Variants in LRP1B observed in about 807,000 individuals in gnomAD.
The protein encoded by LRP1B is LDL receptor related protein 1B, also known as low-density lipoprotein receptor-related protein 1B.
Under a neutral mutation model 556.6 loss-of-function variants are expected in LRP1B, and 217 were observed. The observed-to-expected ratio is 0.39, with a 90% CI of 0.35 to 0.44. The LOEUF (loss-of-function observed/expected upper bound fraction) is 0.44. LRP1B is among the 20% of genes least tolerant of loss of function. The pLI is 1.00. For synonymous variants in LRP1B, 2,047 were observed against 1,865.8 expected (o/e 1.10, Z -2.50); for missense variants, 5,053 against 5,620.8 (o/e 0.90, Z 3.23).
chr2:141,152,065 G>A (rs2105085552), intron 7 of LRP1B, among the ~76,000 whole-genome samples: 1 of 152,100 alleles, frequency 6.6e-6, no homozygotes, highest in South Asian at 2.1e-4. Context: ...AGTAAGAAAG[G>A]ATCTAACTGG....
intron 35 of LRP1B, among the ~76,000 whole-genome samples, chr2:140,747,397 T>A (rs1688353564): frequency 6.6e-6 from 1 of 152,170 alleles, no homozygotes; most frequent in Admixed American, 6.5e-5. Context: ...GTAGCTGAAC[T>A]TTTTCACATG....
chr2:140,503,248 G>T, intron 53 of LRP1B, 145 bp from the exon 54 acceptor site: 2 of 764,052 alleles, frequency 2.6e-6, no homozygotes, highest in South Asian at 2.1e-5. Flanking sequence ...TGTAACAGTG[G>T]TTATAGTTGC....
At chr2:140,437,323 T>C (rs1458003730) in intron 66 of LRP1B, among the ~76,000 whole-genome samples, 1 of 152,144 alleles carries the variant, frequency 6.6e-6, no homozygotes, top group African/African-American at 2.4e-5. Flanking sequence ...GATACTGTGA[T>C]ACCATATGTT....
At chr2:141,106,808 A>G (rs1393226706) in intron 7 of LRP1B, among the ~76,000 whole-genome samples, 2 of 152,084 alleles carry the variant, frequency 1.3e-5, no homozygotes, top group Admixed American at 6.6e-5. Context: ...TCAAACATAT[A>G]CTGTCGTTGG....
chr2:141,156,006 C>T (rs1702056260), intron 7 of LRP1B, among the ~76,000 whole-genome samples: 2 of 152,132 alleles, frequency 1.3e-5, no homozygotes, highest in Non-Finnish European at 2.9e-5. Context: ...CCAACTCCAT[C>T]ACCATCAGAC....
At chr2:140,727,654 G>A (rs997543662) in intron 35 of LRP1B, among the ~76,000 whole-genome samples, 2 of 152,162 alleles carry the variant, frequency 1.3e-5, no homozygotes, top group Admixed American at 6.5e-5. Context: ...CAGAATAGCA[G>A]GAGGGGACAA....
At chr2:140,849,200 C>G (rs1394656653) in intron 29 of LRP1B, among the ~76,000 whole-genome samples, 97 of 100,510 alleles carry the variant, frequency 9.7e-4, no homozygotes, top group African/African-American at 3.9e-3. Context: ...ACTAAAAATA[C>G]AAAAAAAAAA....
chr2:141,121,789 G>A (rs1029465223), intron 7 of LRP1B, among the ~76,000 whole-genome samples: 1 of 151,520 alleles, frequency 6.6e-6, no homozygotes, highest in East Asian at 2.0e-4. Flanking sequence ...AGCCCTCATT[G>A]CCAAGACAAT....
At chr2:141,275,409 T>C (rs1685249144) in intron 3 of LRP1B, among the ~76,000 whole-genome samples, 1 of 152,072 alleles carries the variant, frequency 6.6e-6, no homozygotes, top group South Asian at 2.1e-4. Flanking sequence ...ACTGGAAAAG[T>C]CAGGAAATAC....
At chr2:141,769,035 T>C (rs1694818453) in intron 2 of LRP1B, among the ~76,000 whole-genome samples, 1 of 152,266 alleles carries the variant, frequency 6.6e-6, no homozygotes, top group South Asian at 2.1e-4. Flanking sequence ...AACCATGAAA[T>C]ATTATACAGA....
chr2:141,553,874 AAT>A (rs890543672), intron 2 of LRP1B, among the ~76,000 whole-genome samples: 6 of 112,144 alleles, frequency 5.4e-5, no homozygotes, highest in African/African-American at 1.4e-4. Context: ...TATCTATAAT[AAT>A]ATAGTTATAT....
At chr2:142,057,160 C>T (rs1704705959) in intron 1 of LRP1B, among the ~76,000 whole-genome samples, 1 of 152,124 alleles carries the variant, frequency 6.6e-6, no homozygotes, top group Non-Finnish European at 1.5e-5. Flanking sequence ...GTTTAACCAA[C>T]CTCAACCACT....
Position 140,450,666 on chromosome 2 carries a change from A to C in LRP1B, c.9964-5T>G, listed in dbSNP as rs1686847918. On this transcript the variant is annotated splice_polypyrimidine_tract_variant and splice_region_variant and intron_variant, in intron 62 of 90. Transcript: ENST00000389484. ...TTTGTCAGTTTTGCAACGAAACTTA[A>C]AAAAGAAAAAAAGAAAAAAAAATGT... 1 of 1,570,026 alleles carries C rather than the reference A, an allele frequency of 6.4e-7. No individual in the cohort carries two copies.
chr2:140,984,387 C>A (rs1696859989), intron 17 of LRP1B, among the ~76,000 whole-genome samples: 1 of 151,250 alleles, frequency 6.6e-6, no homozygotes, highest in Non-Finnish European at 1.5e-5. Flanking sequence ...TTTCTATATT[C>A]TTGCTTTATA....
At chr2:141,035,871 C>T (rs1698519029) in intron 11 of LRP1B, among the ~76,000 whole-genome samples, 1 of 152,062 alleles carries the variant, frequency 6.6e-6, no homozygotes, top group Admixed American at 6.6e-5. Context: ...CACATATATT[C>T]ACGGAAGTGC....
At chr2:141,830,521 TATC>T (rs1205670254) in intron 1 of LRP1B, among the ~76,000 whole-genome samples, 2 of 151,862 alleles carry the variant, frequency 1.3e-5, no homozygotes, top group Non-Finnish European at 3.0e-5. Context: ...AAAGTATTTT[TATC>T]ATCTATTTAA....
At position 140,368,663 on chromosome 2, in the gene LRP1B, C is replaced by T. The variant is rs150787250; in HGVS notation, c.11008+2047G>A. ...ATTGGGAAACTGTGTCACGCTTATC[C>T]TTCAGCTCTCTTATATTCCAGTTCC... On this transcript the variant is annotated intron_variant, in intron 71 of 90. Coordinates refer to ENST00000389484, the MANE Select transcript of LRP1B (RefSeq NM_018557.3). 2.4e-3 allele frequency among the ~76,000 whole-genome samples: 372 copies of T among 151,894 alleles called. 2 individuals are homozygous for T. The highest frequency in any genetic ancestry group is 8.1e-3 in the African/African-American group (336 of 41,498).
chr2:141,709,716 G>C (rs956956092), intron 2 of LRP1B, among the ~76,000 whole-genome samples: 8 of 152,112 alleles, frequency 5.3e-5, no homozygotes, highest in Non-Finnish European at 1.2e-4. Context: ...TGGGCAAAGG[G>C]GCTCCAAGGG....
chr2:140,539,748 T>A (rs16844206), intron 45 of LRP1B, among the ~76,000 whole-genome samples: 1 of 152,064 alleles, frequency 6.6e-6, no homozygotes, highest in African/African-American at 2.4e-5. Context: ...AAAGGCAAAC[T>A]GAAAGAGTTT....
Sources: allele counts gnomAD v4.1 joint callset (sites outside exome capture counted in the v4.1 genomes callset), GRCh38; gene constraint gnomAD v4.1.1; transcripts MANE v1.5; gene names NCBI Gene and HGNC (gene_info 2026-07-23, HGNC 2026-07-21).